DROSHA: variants seen among roughly 807,000 people sequenced by gnomAD.
DROSHA encodes ribonuclease 3.
In DROSHA, 56 loss-of-function variants were observed where a neutral mutation model predicts 181.9. That is an observed-to-expected ratio of 0.31 (90% CI 0.25 to 0.38). DROSHA has a LOEUF of 0.38. DROSHA is among the 10% of genes least tolerant of loss of function. DROSHA has a pLI of 1.00. For synonymous variants in DROSHA, 524 were observed against 591.2 expected (o/e 0.89, Z 1.65); for missense variants, 1,218 against 1,743.5 (o/e 0.70, Z 5.37).
chr5:31,443,636 G>C (rs1450211753), intron 23 of DROSHA, among the ~76,000 whole-genome samples: 1 of 152,136 alleles, frequency 6.6e-6, no homozygotes, highest in Non-Finnish European at 1.5e-5. Context: ...CATCATAAAA[G>C]TTAATTATTT....
intron 27 of DROSHA, among the ~76,000 whole-genome samples, chr5:31,428,006 G>A (rs2149999712): frequency 6.6e-6 from 1 of 152,228 alleles, no homozygotes; most frequent in East Asian, 1.9e-4. Context: ...GTAAGATAAT[G>A]TTCACACTCT....
intron 30 of DROSHA, among the ~76,000 whole-genome samples, chr5:31,414,050 T>C (rs1209187691): frequency 1.3e-5 from 2 of 152,062 alleles, no homozygotes; most frequent in African/African-American, 4.8e-5. Context: ...CAAGGGGCCA[T>C]TACACAGCAA....
intron 13 of DROSHA, among the ~76,000 whole-genome samples, chr5:31,490,182 C>CTTTT (rs146698384): frequency 7.2e-6 from 1 of 138,064 alleles, no homozygotes; most frequent in East Asian, 2.1e-4. Flanking sequence ...GGCCCTTTTC[C>CTTTT]TTTTTTTTTT....
chr5:31,472,077 T>C lies in DROSHA; in HGVS notation c.2227A>G (p.Thr743Ala), dbSNP rs1749796232. The change falls in exon 17 of 36, where the codon ACC becomes GCC. Residue 743 changes from threonine (T) to alanine (A), a missense_variant. Thr to Ala is a moderately conservative substitution (Grantham distance 58). Around this residue, in one of 8 missense-constraint regions of DROSHA, gnomAD observed 460 missense variants for 774.2 expected, o/e 0.59. Transcript: ENST00000344624. ...YAEECKGMIV[T>A]NPGTKPSSVR... ...CCAGAACATACCGTCCCAGGGTTGGTAACAATCATGCCTTTGCATTCTTCT... is the reference window on the plus strand; with the variant it reads ...CCAGAACATACCGTCCCAGGGTTGGCAACAATCATGCCTTTGCATTCTTCT... The C allele has an allele frequency of 6.2e-7, 1 of 1,613,730 alleles. No homozygotes were observed. Among genetic ancestry groups the C allele is most frequent in the East Asian group, 2.2e-5 (1 of 44,858 alleles).
chr5:31,448,512 T>C (rs183939588), intron 23 of DROSHA, 35 bp downstream of exon 23: 8 of 1,568,942 alleles, frequency 5.1e-6, no homozygotes, highest in Admixed American at 1.7e-5. Flanking sequence ...GTGAATTATA[T>C]ATCAATCAGG....
chr5:31,496,957 C>G (rs1036590134), intron 11 of DROSHA, among the ~76,000 whole-genome samples: 3 of 152,228 alleles, frequency 2.0e-5, no homozygotes, highest in Non-Finnish European at 2.9e-5. Flanking sequence ...GCCTCCTCAT[C>G]TGAGCAGGTT....
Position 31,526,731 on chromosome 5 carries a change from C to G in DROSHA, c.202G>C (p.Ala68Pro), listed in dbSNP as rs1740629361. ...GGTCGTGGAGGGAGAAAATTGGGGG[C>G]TGGAGAGTTTGAGAAAGTGGTGGAA... Reference protein sequence around the residue: ...APSTTFSNSPAPNFLPPRPDF... With the variant: ...APSTTFSNSPPPNFLPPRPDF... The change falls in exon 5 of 36, where the codon GCC becomes CCC. Residue 68 changes from alanine (A) to proline (P), a missense_variant. Physicochemically the swap from Ala to Pro is conservative, Grantham distance 27 (BLOSUM62 -1). Coordinates refer to ENST00000344624, the MANE Select transcript of DROSHA (RefSeq NM_001382508.1). The G allele has an allele frequency of 6.4e-7, 1 of 1,573,904 alleles. No individual in the cohort carries two copies.
chr5:31,511,207 CTA>C, intron 8 of DROSHA, 31 bp from the exon 9 acceptor site: 1 of 1,594,406 alleles, frequency 6.3e-7, no homozygotes, highest in Non-Finnish European at 8.6e-7. Flanking sequence ...ATATTAGGAA[CTA>C]TATCAATAAC....
At chr5:31,497,375 T>C (rs1753113272) in intron 11 of DROSHA, among the ~76,000 whole-genome samples, 2 of 152,192 alleles carry the variant, frequency 1.3e-5, no homozygotes, top group Non-Finnish European at 2.9e-5. Context: ...AAGATGCTCC[T>C]CTGGCACAGC....
intron 6 of DROSHA, among the ~76,000 whole-genome samples, chr5:31,517,633 A>G (rs910226881): frequency 2.0e-5 from 3 of 152,220 alleles, no homozygotes; most frequent in Non-Finnish European, 2.9e-5. Context: ...TATTTAACCT[A>G]TATCAAATTT....
intron 30 of DROSHA, among the ~76,000 whole-genome samples, chr5:31,415,103 G>T (rs984911401): frequency 8.5e-5 from 13 of 152,104 alleles, no homozygotes; most frequent in Non-Finnish European, 7.4e-5. Context: ...ATAAGAAAAA[G>T]ATTTATTCGT....
Position 31,508,837 on chromosome 5 carries a change from T to TC in DROSHA, c.1433-63dup, listed in dbSNP as rs35304331. 6.5e-6 allele frequency: 10 copies of TC among 1,529,634 alleles called. No individual in the cohort carries two copies. In the East Asian group the frequency reaches 9.9e-5, roughly 15 times the overall value. 94.8% of individuals were successfully genotyped at this position (1,529,634 alleles called of 1,614,324 possible). A position where few individuals can be genotyped will look rare whatever the true frequency, so the allele number is the denominator to read the frequency against. On this transcript the variant is annotated intron_variant, in intron 9 of 35. Coordinates refer to ENST00000344624, the MANE Select transcript of DROSHA (RefSeq NM_001382508.1). ...GAATTAACAAACTGGTTTTTTTTTT[T>TC]CCCTGAGTTGGAGTCTCGCTCTGTC...
At chr5:31,521,793 C>T (rs74441650) in intron 5 of DROSHA, among the ~76,000 whole-genome samples, 6,136 of 151,870 alleles carry the variant, frequency 0.04, 192 homozygotes, top group East Asian at 0.16. Context: ...GTTGGGCTTA[C>T]TTAATGTAAA....
chr5:31,504,507 A>G, intron 11 of DROSHA, 48 bp downstream of exon 11: 1 of 1,588,732 alleles, frequency 6.3e-7, no homozygotes, highest in South Asian at 1.1e-5. Flanking sequence ...ACATCTGTCT[A>G]CTTCTGGCTT....
chr5:31,407,634 A>C (rs1740804389), intron 33 of DROSHA, among the ~76,000 whole-genome samples: 2 of 152,222 alleles, frequency 1.3e-5, no homozygotes, highest in Admixed American at 1.3e-4. Context: ...GAACATAGTA[A>C]TCTTAAAAAA....
intron 7 of DROSHA, 109 bp from the exon 8 acceptor site, chr5:31,515,328 C>A: frequency 2.4e-6 from 3 of 1,244,258 alleles, no homozygotes; most frequent in Non-Finnish European, 3.4e-6. Context: ...GAATACCATG[C>A]CAAATCACCG....
chr5:31,477,223 G>C (rs1580228732), intron 16 of DROSHA, among the ~76,000 whole-genome samples: 4 of 152,108 alleles, frequency 2.6e-5, no homozygotes, highest in African/African-American at 7.2e-5. Context: ...TATATTGCTT[G>C]ATTATTTATA....
At position 31,464,192 on chromosome 5, in the gene DROSHA, G is replaced by A. The variant is rs370110776; in HGVS notation, c.2574+44C>T. The A allele has an allele frequency of 3.8e-4, 592 of 1,565,592 alleles. 1 individual carries two copies. The highest frequency in any genetic ancestry group is 4.7e-4 in the Non-Finnish European group (541 of 1,142,754). ...CCTCAGTACCAGATTTGTTTTAAAG[G>A]AAGAAAAGTATGGGCATAACTGTGT... is the stretch of plus-strand genomic sequence containing the variant. On this transcript the variant is annotated intron_variant, in intron 20 of 35. Coordinates refer to ENST00000344624, the MANE Select transcript of DROSHA (RefSeq NM_001382508.1).
intron 28 of DROSHA, 133 bp from the exon 29 acceptor site, chr5:31,423,077 G>T: frequency 1.3e-6 from 1 of 784,888 alleles, no homozygotes; most frequent in South Asian, 2.3e-5. Flanking sequence ...AATAAAGCAT[G>T]GAAGCTCGTT....
Sources: allele counts gnomAD v4.1 joint callset (sites outside exome capture counted in the v4.1 genomes callset), GRCh38; gene constraint gnomAD v4.1.1; regional missense constraint gnomAD v4.1.1; transcripts MANE v1.5; gene names NCBI Gene and HGNC (gene_info 2026-07-23, HGNC 2026-07-21).